The following GPRC5B variants were observed in gnomAD, a reference collection of about 807,000 sequenced individuals.
GPRC5B encodes G protein-coupled receptor class C group 5 member B.
Under a neutral mutation model 30.1 loss-of-function variants are expected in GPRC5B, and 16 were observed. The observed-to-expected ratio is 0.53, with a 90% confidence interval of 0.36 to 0.81. GPRC5B has a LOEUF of 0.81. GPRC5B is among the 30% of genes least tolerant of loss of function. The pLI is 0.01. For synonymous variants in GPRC5B, 241 were observed against 239.5 expected (o/e 1.01, Z -0.06); for missense variants, 428 against 544.7 (o/e 0.79, Z 2.13).
intron 2 of GPRC5B, among the ~76,000 whole-genome samples, chr16:19,868,006 G>T (rs2141142262): frequency 6.6e-6 from 1 of 152,290 alleles, no homozygotes; most frequent in Middle Eastern, 3.4e-3. Context: ...GGTGGAGGTT[G>T]CAGTGAGCTG....
intron 1 of GPRC5B, among the ~76,000 whole-genome samples, chr16:19,876,797 G>A (rs187410472): frequency 1.4e-4 from 21 of 152,256 alleles, no homozygotes; most frequent in African/African-American, 3.9e-4. Flanking sequence ...CTGCTCTTCC[G>A]GGACAGCTGT....
chr16:19,872,917 G>T lies in GPRC5B; in HGVS notation c.-1-71C>A. Reference sequence around the variant, plus strand: ...TTCATTGGAAGACTCCCCCTCTCCTGACTTCTTGAAGAAGACTCGCCTCAT... The same window carrying T: ...TTCATTGGAAGACTCCCCCTCTCCTTACTTCTTGAAGAAGACTCGCCTCAT... On this transcript the variant is annotated intron_variant, in intron 1 of 3. Transcript: ENST00000300571. The surrounding 1 kb of genome is among the most constrained non-coding windows in gnomAD (Gnocchi z 5.0). The T allele has an allele frequency of 8.7e-7, 1 of 1,144,830 alleles. No individual in the cohort carries two copies. The highest frequency in any genetic ancestry group is 1.4e-5 in the South Asian group (1 of 72,926). 70.9% of individuals were successfully genotyped at this position (1,144,830 alleles called of 1,614,324 possible).
At chr16:19,885,038 G>C (rs2056840282), upstream of GPRC5B, 1 of 623,268 alleles carries the variant, frequency 1.6e-6, no homozygotes, top group Admixed American at 3.3e-5. This position sits in a 1 kb window ranked among gnomAD's most constrained non-coding sequence, Gnocchi z 5.3. Flanking sequence ...GCCCAAGCTC[G>C]TAGCTTCTAG....
Position 19,860,286 on chromosome 16 carries a change from G to A in GPRC5B, c.*214C>T. On this transcript the variant is annotated 3_prime_UTR_variant, in exon 4 of 4. Transcript: ENST00000300571. ...GAGGTTGGTCTGGTATTACGTGTCT[G>A]TGTGTGTGGCAGGGGAGGGGCGGGC... 1.8e-6 allele frequency: 1 copy of A among 561,454 alleles called. No individual in the cohort carries two copies. Among genetic ancestry groups the A allele is most frequent in the South Asian group, 2.1e-5 (1 of 48,624 alleles). The allele number at this position is 561,454 out of a possible 1,614,324, so 34.8% of individuals were successfully genotyped here.
chr16:19,861,231 G>A (rs1259942098), intron 3 of GPRC5B, among the ~76,000 whole-genome samples: 2 of 152,142 alleles, frequency 1.3e-5, no homozygotes, highest in Admixed American at 1.3e-4. Context: ...GAAATTAAAT[G>A]TGGAGATGAG....
upstream of GPRC5B, chr16:19,884,979 C>A (rs893237543): frequency 6.1e-5 from 44 of 722,588 alleles, no homozygotes; most frequent in East Asian, 1.3e-4. Context: ...CCCCCGGTCC[C>A]GCCGGCGGTT....
chr16:19,862,123 A>G (rs2056630489), intron 2 of GPRC5B, 150 bp from the exon 3 acceptor site: 2 of 656,938 alleles, frequency 3.0e-6, no homozygotes, highest in South Asian at 3.8e-5. Flanking sequence ...TCAAAACAAA[A>G]GTCACAAAGG....
Position 19,876,054 on chromosome 16 carries a change from A to C in GPRC5B, c.-1-3208T>G, listed in dbSNP as rs567099271. 6.6e-5 allele frequency among the ~76,000 whole-genome samples: 10 copies of C among 152,312 alleles called. No individual in the cohort carries two copies. In the East Asian group the frequency reaches 1.9e-3, roughly 30 times the overall value. On this transcript the variant is annotated intron_variant, in intron 1 of 3. Transcript: ENST00000300571. ...AGCTCAGTTAAGAGACTTCTCAGCA[A>C]GTTTCAGCAAGCAATGCTGCAAGCA...
chr16:19,861,438 G>C (rs888935383), intron 3 of GPRC5B, among the ~76,000 whole-genome samples: 1 of 152,162 alleles, frequency 6.6e-6, no homozygotes, highest in African/African-American at 2.4e-5. Context: ...TACCCAGCTG[G>C]GGAGGAGTCA....
chr16:19,861,087 T>TTAAAAAAA (rs569493402), intron 3 of GPRC5B, among the ~76,000 whole-genome samples: 37 of 93,376 alleles, frequency 4.0e-4, no homozygotes, highest in East Asian at 1.2e-3. Context: ...CTGATTTACA[T>TTAAAAAAA]AAAAAAAAAA....
At chr16:19,878,545 C>A (rs1260728354) in intron 1 of GPRC5B, among the ~76,000 whole-genome samples, 1 of 152,134 alleles carries the variant, frequency 6.6e-6, no homozygotes, top group Non-Finnish European at 1.5e-5. Context: ...CTGCCCGCCT[C>A]AGCCTCCCAA....
At chr16:19,866,284 T>C (rs1166063858) in intron 2 of GPRC5B, among the ~76,000 whole-genome samples, 4 of 152,070 alleles carry the variant, frequency 2.6e-5, no homozygotes, top group East Asian at 1.9e-4. Context: ...CTCTGCCCCA[T>C]TGTGTGTGAG....
chr16:19,871,153 G>A (rs368597709), intron 2 of GPRC5B, among the ~76,000 whole-genome samples: 10 of 151,448 alleles, frequency 6.6e-5, no homozygotes, highest in African/African-American at 7.3e-5. Flanking sequence ...ACATGGTGGC[G>A]TATGCATGCA....
At chr16:19,883,544 G>T (rs757207) in intron 1 of GPRC5B, among the ~76,000 whole-genome samples, 37,511 of 152,272 alleles carry the variant, frequency 0.25, 5,128 homozygotes, top group Non-Finnish European at 0.31. Flanking sequence ...AAGTGCCGGG[G>T]TTTTTGTGCC....
At chr16:19,873,058 G>A (rs766569172) in intron 1 of GPRC5B, among the ~76,000 whole-genome samples, 7 of 152,128 alleles carry the variant, frequency 4.6e-5, no homozygotes, top group East Asian at 1.9e-4. Context: ...GTGAAGAACC[G>A]TGAATCATCA....
intron 1 of GPRC5B, among the ~76,000 whole-genome samples, chr16:19,873,174 T>A (rs2056736658): frequency 6.6e-6 from 1 of 151,748 alleles, no homozygotes; most frequent in South Asian, 2.1e-4. Context: ...TCTTGAAAAA[T>A]AAGAGGAAGG....
chr16:19,862,832 G>A (rs1479965159), intron 2 of GPRC5B, among the ~76,000 whole-genome samples: 2 of 152,262 alleles, frequency 1.3e-5, no homozygotes, highest in African/African-American at 2.4e-5. Context: ...CACAAGAATC[G>A]CTTGAACCCG....
At chr16:19,873,508 A>T in intron 1 of GPRC5B, among the ~76,000 whole-genome samples, 1 of 151,998 alleles carries the variant, frequency 6.6e-6, no homozygotes, top group Non-Finnish European at 1.5e-5. Context: ...AAGGGGAAAA[A>T]AATGAAACTT....
At chr16:19,880,230 T>C (rs1157244171) in intron 1 of GPRC5B, among the ~76,000 whole-genome samples, 1 of 151,358 alleles carries the variant, frequency 6.6e-6, no homozygotes. Context: ...TGAGCTCTTC[T>C]GAAACTGATT....
Sources: allele counts gnomAD v4.1 joint callset (sites outside exome capture counted in the v4.1 genomes callset), GRCh38; gene constraint gnomAD v4.1.1; non-coding constraint Gnocchi (gnomAD v3.1); transcripts MANE v1.5; gene names NCBI Gene and HGNC (gene_info 2026-07-23, HGNC 2026-07-21).